Variants in GLCCI1 observed in about 807,000 individuals in gnomAD.
GLCCI1 encodes the protein glucocorticoid-induced transcript 1 protein.
GLCCI1 carries 24 observed loss-of-function variants against 52.2 expected under a neutral mutation model. The ratio of observed to expected loss-of-function variants is 0.46; its 90% confidence interval spans 0.33 to 0.65. The LOEUF (loss-of-function observed/expected upper bound fraction) is 0.65. GLCCI1 is among the 30% of genes least tolerant of loss of function. The pLI, the probability that GLCCI1 is intolerant of heterozygous loss-of-function variation, is 0.02. For missense variants in GLCCI1, 704 were observed against 701.5 expected (o/e 1.00, Z -0.04); for synonymous variants, 310 against 276.5 (o/e 1.12, Z -1.20).
At chr7:8,014,563 C>T (rs560326592) in intron 2 of GLCCI1, among the ~76,000 whole-genome samples, 15 of 152,260 alleles carry the variant, frequency 9.9e-5, no homozygotes, top group East Asian at 1.9e-4. Flanking sequence ...AGTATTTTTA[C>T]ACTTGCTTCA....
At chr7:8,042,019 T>C (rs1399297715) in intron 3 of GLCCI1, among the ~76,000 whole-genome samples, 6 of 152,198 alleles carry the variant, frequency 3.9e-5, no homozygotes, top group African/African-American at 1.4e-4. Flanking sequence ...ATATAGCACA[T>C]CTATTTACAA....
intron 4 of GLCCI1, among the ~76,000 whole-genome samples, chr7:8,058,038 G>T (rs574830659): frequency 1.0e-3 from 158 of 152,172 alleles, no homozygotes; most frequent in African/African-American, 3.7e-3. Flanking sequence ...GTACCTGGGG[G>T]TTTATTGTGT....
At chr7:8,036,057 A>G (rs1562436647) in intron 3 of GLCCI1, among the ~76,000 whole-genome samples, 1 of 152,234 alleles carries the variant, frequency 6.6e-6, no homozygotes, top group Non-Finnish European at 1.5e-5. Context: ...AAGATCAAGC[A>G]TATACCCATC....
chr7:8,053,833 T>C (rs970140371), intron 3 of GLCCI1, among the ~76,000 whole-genome samples: 12 of 152,316 alleles, frequency 7.9e-5, no homozygotes, highest in African/African-American at 2.6e-4. Context: ...AGAAGGTCTG[T>C]CTTTGGAATT....
At chr7:8,066,309 GTC>G (rs1782630258) in intron 5 of GLCCI1, among the ~76,000 whole-genome samples, 1 of 151,988 alleles carries the variant, frequency 6.6e-6, no homozygotes, top group Non-Finnish European at 1.5e-5. Flanking sequence ...CTAGCTAGCA[GTC>G]TCTCTCATTC....
chr7:8,074,121 T>C (rs4236406), intron 6 of GLCCI1, among the ~76,000 whole-genome samples: 58,940 of 152,032 alleles, frequency 0.39, 11,655 homozygotes, highest in Middle Eastern at 0.51. Context: ...ATTTATTGTA[T>C]GTCAGATATT....
intron 1 of GLCCI1, 33 bp from the exon 2 acceptor site, chr7:8,003,875 C>T (rs750966492): frequency 6.3e-7 from 1 of 1,588,344 alleles, no homozygotes; most frequent in Non-Finnish European, 8.6e-7. Context: ...ATTTTATTCA[C>T]TAATGACTAA....
intron 5 of GLCCI1, among the ~76,000 whole-genome samples, chr7:8,064,915 A>G (rs1481951267): frequency 2.0e-5 from 3 of 152,100 alleles, no homozygotes; most frequent in East Asian, 3.9e-4. Flanking sequence ...ACGGGGTTTC[A>G]CTGTGTTGGC....
intron 4 of GLCCI1, among the ~76,000 whole-genome samples, chr7:8,057,248 G>C (rs1007605090): frequency 1.3e-4 from 19 of 151,780 alleles, no homozygotes; most frequent in African/African-American, 4.6e-4. Context: ...ACTTGTACAT[G>C]AATCTTCTCA....
intron 3 of GLCCI1, among the ~76,000 whole-genome samples, chr7:8,035,223 C>A (rs909112255): frequency 6.6e-6 from 1 of 152,188 alleles, no homozygotes; most frequent in African/African-American, 2.4e-5. Flanking sequence ...TGTGTGCTGT[C>A]CTTTGCCCGA....
At chr7:8,000,271 G>A (rs1297825941) in intron 1 of GLCCI1, among the ~76,000 whole-genome samples, 2 of 152,120 alleles carry the variant, frequency 1.3e-5, no homozygotes, top group East Asian at 3.9e-4. Flanking sequence ...GTTTCCCAGT[G>A]TTGCTAAAAT....
At chr7:7,973,923 A>C (rs147063718) in intron 1 of GLCCI1, among the ~76,000 whole-genome samples, 1 of 152,148 alleles carries the variant, frequency 6.6e-6, no homozygotes, top group Non-Finnish European at 1.5e-5. Context: ...TTCTCTTTTA[A>C]AAGAGATACT....
intron 1 of GLCCI1, among the ~76,000 whole-genome samples, chr7:7,996,757 C>A (rs1304807967): frequency 6.6e-6 from 1 of 152,144 alleles, no homozygotes; most frequent in Non-Finnish European, 1.5e-5. Flanking sequence ...TTTCTCTTGT[C>A]AGCTTCTTGA....
At position 8,088,129 on chromosome 7, in the gene GLCCI1, T is replaced by C. The variant is rs1245740045; in HGVS notation, c.*1591T>C. 2 of 152,216 alleles carry C rather than the reference T, an allele frequency of 1.3e-5. No homozygotes were observed. The highest frequency in any genetic ancestry group is 3.8e-4 in the East Asian group (2 of 5,202). The allele number at this position is 152,216 out of a possible 1,614,324, so 9.4% of individuals were successfully genotyped here. A position where few individuals can be genotyped will look rare whatever the true frequency, so the allele number is the denominator to read the frequency against. On this transcript the variant is annotated 3_prime_UTR_variant, in exon 8 of 8. Coordinates refer to ENST00000223145, the MANE Select transcript of GLCCI1 (RefSeq NM_138426.4). ...GGAACGTTTCAGTTCCTTTCATTCA[T>C]TCCTGGGTTTTTCTTTTATTTTCTA...
intron 2 of GLCCI1, among the ~76,000 whole-genome samples, chr7:8,006,195 C>A (rs1047816837): frequency 6.6e-6 from 1 of 152,132 alleles, no homozygotes; most frequent in Non-Finnish European, 1.5e-5. Flanking sequence ...AATAGTGAAG[C>A]CTTAGAAGTC....
At chr7:8,029,599 G>C (rs1781700602) in intron 3 of GLCCI1, among the ~76,000 whole-genome samples, 1 of 152,090 alleles carries the variant, frequency 6.6e-6, no homozygotes, top group Non-Finnish European at 1.5e-5. Flanking sequence ...AAGGGTATTT[G>C]AATTGGAAAG....
At position 8,070,963 on chromosome 7, in the gene GLCCI1, C is replaced by T. The variant is rs1449525418; in HGVS notation, c.1009C>T (p.His337Tyr). 13 of 1,614,072 alleles carry T rather than the reference C, an allele frequency of 8.1e-6. No individual in the cohort carries two copies. The highest frequency in any genetic ancestry group is 9.3e-6 in the Non-Finnish European group (11 of 1,180,030). ...TGGTCGAAGAGCTCCACTTCCTGCT[C>T]ATTACCGGAGCAGTAGTACTCGCAG... is the stretch of plus-strand genomic sequence containing the variant. ...PDGRRAPLPAHYRSSSTRSID... is the reference protein window; with the variant it reads ...PDGRRAPLPAYYRSSSTRSID... The change falls in exon 6 of 8, where the codon CAT (histidine) becomes TAT (tyrosine). Residue 337 changes from histidine (H) to tyrosine (Y), a missense_variant. This residue lies in a region of GLCCI1 where 547 missense variants were observed against 524.8 expected (regional missense o/e 1.04). Transcript: ENST00000223145.
chr7:8,066,622 CTTAATTTCATGGTTTACG>C (rs1447196329), intron 5 of GLCCI1, among the ~76,000 whole-genome samples: 3 of 151,106 alleles, frequency 2.0e-5, no homozygotes, highest in Non-Finnish European at 4.4e-5. Context: ...TGATTTCTGC[CTTAATTTCATGGTTTACG>C]CAAATGCCAT....
intron 6 of GLCCI1, among the ~76,000 whole-genome samples, chr7:8,079,323 TTAATAA>T: frequency 6.8e-6 from 1 of 146,822 alleles, no homozygotes; most frequent in African/African-American, 2.7e-5. Context: ...ATTTTGCCAT[TTAATAA>T]ACTTGACAAT....
Sources: gnomAD v4.1 joint callset for allele counts (sites outside exome capture counted in the v4.1 genomes callset) on GRCh38, gnomAD v4.1.1 for gene constraint, gnomAD v4.1.1 regional missense constraint, MANE v1.5 for transcripts, NCBI Gene and HGNC (gene_info 2026-07-23, HGNC 2026-07-21) for gene names.